HIPK1: variants seen among roughly 807,000 people sequenced by gnomAD.
HIPK1 encodes the protein homeodomain-interacting protein kinase 1.
In HIPK1, 28 loss-of-function variants were observed where a neutral mutation model predicts 117.1. The ratio of observed to expected loss-of-function variants is 0.24; its 90% CI spans 0.18 to 0.33. The LOEUF (loss-of-function observed/expected upper bound fraction) is 0.33. Among genes scored for constraint, HIPK1 ranks in the 10% least tolerant of loss-of-function variants. The pLI is 1.00. For synonymous variants in HIPK1, 605 were observed against 562.5 expected (o/e 1.08, Z -1.07); for missense variants, 1,122 against 1,475.1 (o/e 0.76, Z 3.92).
intron 15 of HIPK1, 176 bp downstream of exon 15, chr1:113,972,130 G>C: frequency 6.5e-7 from 1 of 1,535,930 alleles, no homozygotes; most frequent in Non-Finnish European, 8.8e-7. Flanking sequence ...CATTCACTCT[G>C]TAAGTGTGTT....
chr1:113,952,227 C>G (rs565523955), intron 2 of HIPK1, among the ~76,000 whole-genome samples: 4 of 151,796 alleles, frequency 2.6e-5, no homozygotes, highest in Non-Finnish European at 4.4e-5. Flanking sequence ...GCATGAGCCA[C>G]TGTGCCCAGT....
rs1457084208 is a variant in HIPK1, at chr1:113,973,103, C to A, written c.3224C>A (p.Ala1075Asp). 1 of 1,549,930 alleles carries A rather than the reference C, an allele frequency of 6.5e-7. No homozygotes were observed. The highest frequency in any genetic ancestry group is 8.7e-7 in the Non-Finnish European group (1 of 1,146,778). The change falls in exon 16 of 16, where the codon GCC becomes GAC. Residue 1075 changes from alanine (A) to aspartate (D), a missense_variant. This residue lies in a region of HIPK1 where 731 missense variants were observed against 860.4 expected (regional missense o/e 0.85). Coordinates refer to ENST00000426820, the MANE Select transcript of HIPK1 (RefSeq NM_198268.3). ...CCCCGCAGGCAGCAGGCGTTTGTGGCCCCTCTCTCCCAAGCCCCCTACACC... is the reference window on the plus strand; with the variant it reads ...CCCCGCAGGCAGCAGGCGTTTGTGGACCCTCTCTCCCAAGCCCCCTACACC... ...PAPRRQQAFV[A>D]PLSQAPYTFQ...
Position 113,968,499 on chromosome 1 carries a change from C to G in HIPK1, c.2622C>G (p.Leu874=). 1 of 1,614,130 alleles carries G rather than the reference C, an allele frequency of 6.2e-7. No homozygotes were observed. The highest frequency in any genetic ancestry group is 8.5e-7 in the Non-Finnish European group (1 of 1,179,968). The change falls in exon 13 of 16, where the codon CTC becomes CTG. Residue 874 remains leucine (L), a synonymous_variant. Coordinates refer to ENST00000426820, the MANE Select transcript of HIPK1 (RefSeq NM_198268.3). Reference sequence around the variant, plus strand: ...ATTCTCTGGTTGGGAGCAGTCCCCTCCGCACCACATCTTCTTATAATTCCT... The same window carrying G: ...ATTCTCTGGTTGGGAGCAGTCCCCTGCGCACCACATCTTCTTATAATTCCT... The part of the protein sequence containing the change: ...QVYSLVGSSP[L]RTTSSYNSLV...
At chr1:113,972,752 A>T (rs1482209805) in intron 15 of HIPK1, among the ~76,000 whole-genome samples, 1 of 152,202 alleles carries the variant, frequency 6.6e-6, no homozygotes, top group Non-Finnish European at 1.5e-5. Context: ...ATTAACTTGC[A>T]GGAGTGGGGA....
chr1:113,951,505 A>ACGT (rs1405070141), intron 2 of HIPK1, among the ~76,000 whole-genome samples: 3 of 152,150 alleles, frequency 2.0e-5, no homozygotes, highest in Non-Finnish European at 4.4e-5. Flanking sequence ...TGAGTTATGG[A>ACGT]TTACCTTAGT....
At position 113,973,429 on chromosome 1, in the gene HIPK1, T is replaced by A; in HGVS notation, c.3550T>A (p.Tyr1184Asn). The A allele has an allele frequency of 8.7e-6, 14 of 1,613,954 alleles. No individual in the cohort carries two copies. The highest frequency in any genetic ancestry group is 1.2e-5 in the Non-Finnish European group (14 of 1,179,850). ...QYQHQFATQS[Y>N]IGSSRGSTIY... is the part of the protein sequence containing the mutation. ...CCAACACCAGTTTGCCACCCAATCC[T>A]ACATTGGGTCTTCCCGAGGCTCAAC... is the stretch of plus-strand genomic sequence containing the variant. The change falls in exon 16 of 16, where the codon TAC (tyrosine) becomes AAC (asparagine). Residue 1184 changes from tyrosine (Y) to asparagine (N), a missense_variant. Around this residue, in one of 6 missense-constraint regions of HIPK1, gnomAD observed 731 missense variants for 860.4 expected, o/e 0.85. Coordinates refer to ENST00000426820, the MANE Select transcript of HIPK1 (RefSeq NM_198268.3).
intron 3 of HIPK1, 117 bp downstream of exon 3, chr1:113,953,006 C>T: frequency 1.1e-6 from 1 of 912,112 alleles, no homozygotes; most frequent in South Asian, 4.4e-5. Flanking sequence ...AAAGAGTAGT[C>T]CAATTGCTAC....
At position 113,941,429 on chromosome 1, in the gene HIPK1, G is replaced by T; in HGVS notation, c.1046G>T (p.Cys349Phe). The change falls in exon 2 of 16, where the codon TGC (cysteine) becomes TTC (phenylalanine). Residue 349 changes from cysteine to phenylalanine, a missense_variant. By Grantham distance (205) the Cys-to-Phe change is radical. Coordinates refer to ENST00000426820, the MANE Select transcript of HIPK1 (RefSeq NM_198268.3). The surrounding 1 kb of genome is among the most constrained non-coding windows in gnomAD (Gnocchi z 4.9). ...GCTAGTCACGTTTCCAAAGCTGTGT[G>T]CTCAACCTACTTACAGTCACGTTAC... Reference protein sequence around the residue: ...GSASHVSKAVCSTYLQSRYYR... With the variant: ...GSASHVSKAVFSTYLQSRYYR... The T allele has an allele frequency of 6.2e-7, 1 of 1,613,870 alleles. No individual in the cohort carries two copies.
chr1:113,958,009 A>G (rs1019703010), intron 7 of HIPK1, 57 bp from the exon 8 acceptor site: 1 of 1,246,368 alleles, frequency 8.0e-7, no homozygotes, highest in African/African-American at 1.5e-5. Flanking sequence ...GTATATATAA[A>G]ATTATTGTGT....
intron 2 of HIPK1, among the ~76,000 whole-genome samples, chr1:113,951,829 C>T (rs1372642937): frequency 6.6e-6 from 1 of 151,612 alleles, no homozygotes; most frequent in African/African-American, 2.4e-5. Context: ...CAGACCCTGA[C>T]AGGCTGGCTC....
chr1:113,964,608 C>A (rs1238359704), intron 10 of HIPK1, among the ~76,000 whole-genome samples: 1 of 152,160 alleles, frequency 6.6e-6, no homozygotes, highest in Non-Finnish European at 1.5e-5. Context: ...CTTAAGTATT[C>A]ATGTGAGTGA....
rs765573537 is a variant in HIPK1 at position 113,929,487 on chromosome 1, C to G, written c.-48C>G. ...CCACCGACTCCTACTGCAATCAGTA[C>G]TATGCGATCGTCCTAGAGAGTCCAT... is the stretch of plus-strand genomic sequence containing the variant. On this transcript the variant is annotated 5_prime_UTR_variant, in exon 1 of 16. Coordinates refer to ENST00000426820, the MANE Select transcript of HIPK1 (RefSeq NM_198268.3). 8.5e-6 allele frequency: 11 copies of G among 1,289,438 alleles called. No homozygotes were observed. The South Asian group carries it at 1.4e-4, about 16-fold the overall frequency. 79.9% of individuals were successfully genotyped at this position (1,289,438 alleles called of 1,614,324 possible). A position where few individuals can be genotyped will look rare whatever the true frequency, so the allele number is the denominator to read the frequency against.
chr1:113,947,707 C>T (rs1671076663), intron 2 of HIPK1, among the ~76,000 whole-genome samples: 1 of 152,170 alleles, frequency 6.6e-6, no homozygotes, highest in Non-Finnish European at 1.5e-5. Flanking sequence ...AATCAAAAGG[C>T]AGGGATTGTT....
intron 14 of HIPK1, among the ~76,000 whole-genome samples, chr1:113,970,674 A>G (rs1229056289): frequency 1.3e-5 from 2 of 152,302 alleles, no homozygotes; most frequent in East Asian, 1.9e-4. Context: ...AATTACTTCC[A>G]TCATCTTTGC....
intron 2 of HIPK1, among the ~76,000 whole-genome samples, chr1:113,945,654 C>A (rs1215558109): frequency 6.6e-6 from 1 of 152,154 alleles, no homozygotes; most frequent in Non-Finnish European, 1.5e-5. Flanking sequence ...ACAAATAATT[C>A]TTATCTTCTA....
intron 9 of HIPK1, 28 bp downstream of exon 9, chr1:113,962,466 A>C (rs745508694): frequency 3.7e-6 from 6 of 1,606,084 alleles, no homozygotes; most frequent in Non-Finnish European, 5.1e-6. Flanking sequence ...GTGGATACTC[A>C]GTATTGCTAA....
chr1:113,960,833 C>T lies in HIPK1; in HGVS notation c.1982-1484C>T, dbSNP rs116327789. 4.8e-3 allele frequency among the ~76,000 whole-genome samples: 723 copies of T among 152,190 alleles called. 4 individuals carry two copies. The highest frequency in any genetic ancestry group is 0.017 in the African/African-American group (690 of 41,534). Reference sequence around the variant, plus strand: ...TACGTTGCTGGATTGTATTTTTCTTCATGACAACTTGTTATTAAATTACTC... The same window carrying T: ...TACGTTGCTGGATTGTATTTTTCTTTATGACAACTTGTTATTAAATTACTC... On this transcript the variant is annotated intron_variant, in intron 8 of 15. Coordinates refer to ENST00000426820, the MANE Select transcript of HIPK1 (RefSeq NM_198268.3).
At chr1:113,962,587 A>G (rs1441480059) in intron 9 of HIPK1, 149 bp downstream of exon 9, 1 of 685,400 alleles carries the variant, frequency 1.5e-6, no homozygotes, top group East Asian at 3.1e-5. Context: ...CTATGGAACA[A>G]TATACTAATT....
Position 113,955,629 on chromosome 1 carries a change from T to G in HIPK1, c.1387T>G (p.Cys463Gly). ...SKEARKYIFN[C>G]LDDMAQVNMS... Reference sequence around the variant, plus strand: ...AGAAGCTCGGAAGTACATTTTTAATTGCTTAGATGACATGGCTCAGGTGAG... The same window carrying G: ...AGAAGCTCGGAAGTACATTTTTAATGGCTTAGATGACATGGCTCAGGTGAG... The change falls in exon 5 of 16, where the codon TGC (cysteine) becomes GGC (glycine). Residue 463 changes from cysteine to glycine, a missense_variant. This residue lies in a region of HIPK1 where 127 missense variants were observed against 197.9 expected (regional missense o/e 0.64). Transcript: ENST00000426820. 6.2e-7 allele frequency: 1 copy of G among 1,601,520 alleles called. No individual in the cohort carries two copies. Among genetic ancestry groups the G allele is most frequent in the Non-Finnish European group, 8.6e-7 (1 of 1,169,006 alleles).
Sources: allele counts gnomAD v4.1 joint callset (sites outside exome capture counted in the v4.1 genomes callset), GRCh38; gene constraint gnomAD v4.1.1; regional missense constraint gnomAD v4.1.1; non-coding constraint Gnocchi (gnomAD v3.1); transcripts MANE v1.5; gene names NCBI Gene and HGNC (gene_info 2026-07-23, HGNC 2026-07-21).